Variants in GALNT17 observed in about 807,000 individuals in gnomAD.
GALNT17 encodes the protein polypeptide N-acetylgalactosaminyltransferase 17.
GALNT17 carries 29 observed loss-of-function variants against 63.7 expected under a neutral mutation model. The ratio of observed to expected loss-of-function variants is 0.46; its 90% CI spans 0.34 to 0.62. The LOEUF is 0.62. Among genes scored for constraint, GALNT17 ranks in the 20% least tolerant of loss-of-function variants. The pLI, the probability that GALNT17 is intolerant of heterozygous loss-of-function variation, is 0.01. For synonymous variants in GALNT17, 305 were observed against 318.3 expected (o/e 0.96, Z 0.45); for missense variants, 603 against 799.6 (o/e 0.75, Z 2.97).
chr7:71,484,755 C>G (rs1787881237), intron 5 of GALNT17, among the ~76,000 whole-genome samples: 1 of 149,326 alleles, frequency 6.7e-6, no homozygotes, highest in South Asian at 2.1e-4. Flanking sequence ...TTTTATTTCT[C>G]AGGTTGAACC....
At chr7:71,611,691 C>T (rs374130419) in intron 6 of GALNT17, among the ~76,000 whole-genome samples, 2 of 151,802 alleles carry the variant, frequency 1.3e-5, no homozygotes, top group Non-Finnish European at 2.9e-5. Flanking sequence ...ACATTAAACT[C>T]CTAGGAAAAT....
chr7:71,232,886 T>C (rs1475925816), intron 1 of GALNT17, among the ~76,000 whole-genome samples: 2 of 152,072 alleles, frequency 1.3e-5, no homozygotes, highest in Non-Finnish European at 2.9e-5. Context: ...TGGTGCCTCT[T>C]CCGTAATTTA....
chr7:71,139,092 T>G (rs1787838822), intron 1 of GALNT17, among the ~76,000 whole-genome samples: 1 of 152,342 alleles, frequency 6.6e-6, no homozygotes, highest in South Asian at 2.1e-4. Context: ...TCTGAGGAAG[T>G]TACTTATTTC....
intron 1 of GALNT17, among the ~76,000 whole-genome samples, chr7:71,298,687 T>C (rs1012529716): frequency 8.1e-5 from 12 of 148,492 alleles, no homozygotes; most frequent in Non-Finnish European, 1.3e-4. Context: ...CCATCAGATT[T>C]GTGCACGACT....
rs398005156 is a variant in GALNT17 at position 71,674,349 on chromosome 7, T to TA, written c.1405-2848dup. On this transcript the variant is annotated intron_variant, in intron 8 of 10. Coordinates refer to ENST00000333538, the MANE Select transcript of GALNT17 (RefSeq NM_022479.3). ...CAATTTTTAAATAGCTCTTCCTTTT[T>TA]AAAAAAAAAAAAAAGAGATAGGGTC... 8.9e-3 allele frequency among the ~76,000 whole-genome samples: 1,330 copies of TA among 148,954 alleles called. 26 individuals carry two copies. The highest frequency in any genetic ancestry group is 0.035 in the Admixed American group (529 of 14,948).
chr7:71,155,847 A>T (rs1788225749), intron 1 of GALNT17, among the ~76,000 whole-genome samples: 1 of 151,866 alleles, frequency 6.6e-6, no homozygotes, highest in African/African-American at 2.4e-5. Context: ...TTATGGCCTT[A>T]TAACAGAGGA....
At chr7:71,356,793 T>C (rs1792294998) in intron 2 of GALNT17, among the ~76,000 whole-genome samples, 1 of 151,848 alleles carries the variant, frequency 6.6e-6, no homozygotes, top group Non-Finnish European at 1.5e-5. Context: ...CATATATATA[T>C]ATTTTTTAGA....
At chr7:71,296,923 A>G (rs1320958864) in intron 1 of GALNT17, among the ~76,000 whole-genome samples, 2 of 152,230 alleles carry the variant, frequency 1.3e-5, no homozygotes, top group African/African-American at 2.4e-5. Context: ...ACGCCATGCC[A>G]GGAGCTTTAT....
chr7:71,304,105 T>C (rs1295206739), intron 1 of GALNT17, among the ~76,000 whole-genome samples: 1 of 152,198 alleles, frequency 6.6e-6, no homozygotes, highest in Admixed American at 6.5e-5. Flanking sequence ...ACCTTGTTGG[T>C]TGAATAAAGC....
intron 6 of GALNT17, among the ~76,000 whole-genome samples, chr7:71,601,596 A>G (rs1031635337): frequency 1.3e-5 from 2 of 152,114 alleles, no homozygotes; most frequent in African/African-American, 2.4e-5. Context: ...AGCCTGGGCA[A>G]CACAGGAAGA....
chr7:71,140,829 T>C (rs975337742), intron 1 of GALNT17, among the ~76,000 whole-genome samples: 4 of 149,258 alleles, frequency 2.7e-5, no homozygotes, highest in Middle Eastern at 3.6e-3. Flanking sequence ...TGAGACTAGC[T>C]TGGGCAACAT....
intron 6 of GALNT17, among the ~76,000 whole-genome samples, chr7:71,610,643 G>T (rs963343189): frequency 1.3e-5 from 2 of 152,130 alleles, no homozygotes; most frequent in South Asian, 4.1e-4. Context: ...GAAATACACA[G>T]CTTTTAATGT....
intron 1 of GALNT17, among the ~76,000 whole-genome samples, chr7:71,264,302 G>A (rs1419365747): frequency 6.6e-6 from 1 of 151,972 alleles, no homozygotes; most frequent in Non-Finnish European, 1.5e-5. Context: ...TTTAGTCTTC[G>A]GTTCATTCTC....
intron 6 of GALNT17, among the ~76,000 whole-genome samples, chr7:71,649,451 A>G (rs1790724209): frequency 6.6e-6 from 1 of 152,138 alleles, no homozygotes; most frequent in Non-Finnish European, 1.5e-5. Flanking sequence ...GGTTTTTAAG[A>G]GGATGGGTGA....
intron 6 of GALNT17, among the ~76,000 whole-genome samples, chr7:71,641,982 C>T (rs959543976): frequency 3.3e-5 from 5 of 152,064 alleles, no homozygotes; most frequent in Admixed American, 1.3e-4. Context: ...TAGAGAATTT[C>T]GGCTGGAGGT....
At chr7:71,611,002 A>AAAG (rs1790117172) in intron 6 of GALNT17, among the ~76,000 whole-genome samples, 1 of 150,854 alleles carries the variant, frequency 6.6e-6, no homozygotes, top group Non-Finnish European at 1.5e-5. Context: ...AAAAAAAAAA[A>AAAG]AAAGTCCACT....
intron 5 of GALNT17, among the ~76,000 whole-genome samples, chr7:71,511,851 C>A (rs1427312627): frequency 6.6e-6 from 1 of 152,040 alleles, no homozygotes; most frequent in African/African-American, 2.4e-5. Context: ...GTCATATTTC[C>A]CAGAGTTGTG....
intron 6 of GALNT17, among the ~76,000 whole-genome samples, chr7:71,607,885 A>G (rs1238950807): frequency 1.3e-5 from 2 of 152,172 alleles, no homozygotes; most frequent in East Asian, 1.9e-4. Context: ...TGCACACTGA[A>G]CTAAGTTAAG....
At chr7:71,244,064 G>A (rs1020160324) in intron 1 of GALNT17, among the ~76,000 whole-genome samples, 1 of 152,196 alleles carries the variant, frequency 6.6e-6, no homozygotes, top group African/African-American at 2.4e-5. Context: ...CCTGTGTTTA[G>A]GAAGGGAGTG....
Sources: allele counts gnomAD v4.1 joint callset (sites outside exome capture counted in the v4.1 genomes callset), GRCh38; gene constraint gnomAD v4.1.1; transcripts MANE v1.5; gene names NCBI Gene and HGNC (gene_info 2026-07-23, HGNC 2026-07-21).